Variants in ZNF503 observed in about 807,000 individuals in gnomAD.
ZNF503 encodes the protein zinc finger protein 503.
Under a neutral mutation model 34.4 loss-of-function variants are expected in ZNF503, and 15 were observed. The ratio of observed to expected loss-of-function variants is 0.44; its 90% CI spans 0.29 to 0.67. ZNF503 has a LOEUF of 0.67. Among genes scored for constraint, ZNF503 ranks in the 30% least tolerant of loss-of-function variants. The pLI, the probability that ZNF503 is intolerant of heterozygous loss-of-function variation, is 0.13. For missense variants in ZNF503, 1,007 were observed against 926.8 expected (o/e 1.09, Z -1.12); for synonymous variants, 580 against 456.8 (o/e 1.27, Z -3.44).
At chr10:75,336,544 TTTC>T in the ZNF503 span, among the ~76,000 whole-genome samples, 1 of 152,180 alleles carries the variant, frequency 6.6e-6, no homozygotes. Context: ...TTGCACTCAC[TTTC>T]TTCTTCTGCA....
In ZNF503 at chr10:75,399,281, T is replaced by C; in HGVS notation, c.1409A>G (p.Tyr470Cys). 1 of 1,601,074 alleles carries C rather than the reference T, an allele frequency of 6.2e-7. No homozygotes were observed. Among genetic ancestry groups the C allele is most frequent in the Non-Finnish European group, 8.5e-7 (1 of 1,174,702 alleles). ...AALKSGYPLVYPTHPLHGVHS... is the reference protein window; with the variant it reads ...AALKSGYPLVCPTHPLHGVHS... Reference sequence around the variant, plus strand: ...CACACCGTGCAGCGGGTGCGTGGGGTACACCAGCGGGTATCCGGACTTCAG... The same window carrying C: ...CACACCGTGCAGCGGGTGCGTGGGGCACACCAGCGGGTATCCGGACTTCAG... The change falls in exon 2 of 2, where the codon TAC becomes TGC. Residue 470 changes from tyrosine to cysteine, a missense_variant. By Grantham distance (194) the Tyr-to-Cys change is radical (BLOSUM62 -2). Coordinates refer to ENST00000372524, the MANE Select transcript of ZNF503 (RefSeq NM_032772.6).
At chr10:75,324,493 T>A in the ZNF503 span, among the ~76,000 whole-genome samples, 1 of 152,074 alleles carries the variant, frequency 6.6e-6, no homozygotes, top group Non-Finnish European at 1.5e-5. Flanking sequence ...CACACCTGGC[T>A]AATTTTTAAT....
At chr10:75,374,473 C>T in the ZNF503 span, among the ~76,000 whole-genome samples, 5 of 152,206 alleles carry the variant, frequency 3.3e-5, no homozygotes, top group Non-Finnish European at 4.4e-5. Context: ...CTGGGGTCTT[C>T]GCACTTGCCA....
At chr10:75,305,780 C>T in the ZNF503 span, among the ~76,000 whole-genome samples, 1 of 152,088 alleles carries the variant, frequency 6.6e-6, no homozygotes, top group Non-Finnish European at 1.5e-5. Flanking sequence ...CATTTTGTGA[C>T]TTTTTGTGTC....
At chr10:75,376,679 TG>T in the ZNF503 span, among the ~76,000 whole-genome samples, 1 of 151,936 alleles carries the variant, frequency 6.6e-6, no homozygotes, top group Non-Finnish European at 1.5e-5. Context: ...AACCTGAGAC[TG>T]GTTTAATACC....
the ZNF503 span, chr10:75,382,579 G>C: frequency 2.2e-6 from 1 of 446,182 alleles, no homozygotes; most frequent in Admixed American, 3.2e-5. Flanking sequence ...ATATTGGAGA[G>C]TTTTCTTGTT....
the ZNF503 span, among the ~76,000 whole-genome samples, chr10:75,377,642 C>G: frequency 6.6e-6 from 1 of 152,124 alleles, no homozygotes; most frequent in Non-Finnish European, 1.5e-5. Context: ...CCATCTGCTT[C>G]CCTCATTTCT....
rs778784324 is a variant in ZNF503 at position 75,399,805 on chromosome 10, G to C, written c.885C>G (p.Asn295Lys). ...CTCCCGGGCCCCCATCCGGATGCTGGTTCACATCCACATTAATCCCGCCGC... is the reference window on the plus strand; with the variant it reads ...CTCCCGGGCCCCCATCCGGATGCTGCTTCACATCCACATTAATCCCGCCGC... Reference protein sequence around the residue: ...SCGGGINVDVNQHPDGGPGGK... With the variant: ...SCGGGINVDVKQHPDGGPGGK... Residue 295 changes from asparagine (N) to lysine (K), a missense_variant, in exon 2 of 2, where the codon AAC becomes AAG. Transcript: ENST00000372524. 1.5e-5 allele frequency: 24 copies of C among 1,602,166 alleles called. No homozygotes were observed. Among genetic ancestry groups the C allele is most frequent in the Non-Finnish European group, 1.8e-5 (21 of 1,176,658 alleles).
At chr10:75,316,350 CTT>C in the ZNF503 span, among the ~76,000 whole-genome samples, 3 of 144,604 alleles carry the variant, frequency 2.1e-5, no homozygotes, top group Non-Finnish European at 4.6e-5. Flanking sequence ...TTTTCTTTTC[CTT>C]TTTTTTTTTT....
the ZNF503 span, among the ~76,000 whole-genome samples, chr10:75,385,240 G>A: frequency 1.5e-4 from 23 of 152,196 alleles, no homozygotes; most frequent in African/African-American, 4.8e-4. Context: ...GAAGGTCACC[G>A]AGGTCACCCC....
chr10:75,300,514 A>G, the ZNF503 span, among the ~76,000 whole-genome samples: 4 of 152,162 alleles, frequency 2.6e-5, no homozygotes, highest in Non-Finnish European at 5.9e-5. Flanking sequence ...TATCCATGAA[A>G]TCTTCACAGT....
At chr10:75,351,567 A>T in the ZNF503 span, among the ~76,000 whole-genome samples, 25 of 152,254 alleles carry the variant, frequency 1.6e-4, no homozygotes, top group Admixed American at 9.8e-4. Context: ...GAAGATACAG[A>T]TGGGGTTCAG....
At chr10:75,303,674 C>T in the ZNF503 span, among the ~76,000 whole-genome samples, 9 of 152,296 alleles carry the variant, frequency 5.9e-5, no homozygotes, top group African/African-American at 2.2e-4. Context: ...TTTATCCATG[C>T]ATGCATTTAA....
At chr10:75,345,362 C>G in the ZNF503 span, among the ~76,000 whole-genome samples, 7 of 152,140 alleles carry the variant, frequency 4.6e-5, no homozygotes, top group African/African-American at 1.7e-4. Context: ...GAAAGGACCC[C>G]ACGGTGGCTC....
the ZNF503 span, among the ~76,000 whole-genome samples, chr10:75,363,849 G>A: frequency 2.0e-5 from 3 of 152,200 alleles, no homozygotes; most frequent in African/African-American, 7.2e-5. Flanking sequence ...CAATTGAGAA[G>A]GAAATTGTCC....
chr10:75,355,411 G>A, the ZNF503 span, among the ~76,000 whole-genome samples: 4 of 152,088 alleles, frequency 2.6e-5, no homozygotes, highest in African/African-American at 9.7e-5. Context: ...TATTTAATCT[G>A]CGCAAGTGTC....
In ZNF503 at chr10:75,399,269, G is replaced by A. The variant is rs1465082943; in HGVS notation, c.1421C>T (p.Pro474Leu). 28 of 1,597,998 alleles carry A rather than the reference G, an allele frequency of 1.8e-5. No individual in the cohort carries two copies. Among genetic ancestry groups the A allele is most frequent in the Admixed American group, 1.7e-4 (10 of 58,334 alleles). ...SGYPLVYPTH[P>L]LHGVHSSLTA... ...TAGCGAGGAGTGCACACCGTGCAGC[G>A]GGTGCGTGGGGTACACCAGCGGGTA... Residue 474 changes from proline (P) to leucine (L), a missense_variant, in exon 2 of 2, where the codon CCG becomes CTG. Physicochemically the swap from Pro to Leu is moderately conservative, Grantham distance 98 (BLOSUM62 -3). Coordinates refer to ENST00000372524, the MANE Select transcript of ZNF503 (RefSeq NM_032772.6).
the ZNF503 span, among the ~76,000 whole-genome samples, chr10:75,339,663 T>C: frequency 2.0e-5 from 3 of 152,168 alleles, no homozygotes; most frequent in Non-Finnish European, 4.4e-5. Flanking sequence ...CCAAGCCACC[T>C]GTGCCTTGGT....
At chr10:75,387,531 G>A in the ZNF503 span, among the ~76,000 whole-genome samples, 4 of 152,306 alleles carry the variant, frequency 2.6e-5, no homozygotes, top group Non-Finnish European at 4.4e-5. Flanking sequence ...AAATGGTATC[G>A]ATAATCATAA....
Sources: allele counts gnomAD v4.1 joint callset (sites outside exome capture counted in the v4.1 genomes callset), GRCh38; gene constraint gnomAD v4.1.1; transcripts MANE v1.5; gene names NCBI Gene and HGNC (gene_info 2026-07-23, HGNC 2026-07-21).